Variants in RNGTT observed in about 807,000 individuals in gnomAD.
The protein encoded by RNGTT is mRNA-capping enzyme.
Under a neutral mutation model 79.3 loss-of-function variants are expected in RNGTT, and 33 were observed. The observed-to-expected ratio is 0.42, with a 90% CI of 0.32 to 0.56. The LOEUF (loss-of-function observed/expected upper bound fraction) is 0.56. Ranked by LOEUF, RNGTT falls within the 20% of genes least tolerant of loss-of-function variation. The pLI is 0.17. For missense variants in RNGTT, 497 were observed against 739.1 expected, an observed-to-expected ratio of 0.67 and a Z score of 3.80; for synonymous variants, 222 against 235.9, an observed-to-expected ratio of 0.94 and a Z score of 0.54.
At chr6:88,790,291 T>C (rs974286469) in intron 12 of RNGTT, among the ~76,000 whole-genome samples, 1 of 152,082 alleles carries the variant, frequency 6.6e-6, no homozygotes, top group African/African-American at 2.4e-5. Flanking sequence ...AGGTAAGGCA[T>C]AGGACATAAA....
chr6:88,789,369 G>C (rs1182577846), intron 12 of RNGTT, among the ~76,000 whole-genome samples: 1 of 152,160 alleles, frequency 6.6e-6, no homozygotes, highest in Non-Finnish European at 1.5e-5. Flanking sequence ...AGACTATCCT[G>C]GCCAACATGG....
At chr6:88,702,561 G>T (rs909851241) in intron 13 of RNGTT, among the ~76,000 whole-genome samples, 1 of 151,932 alleles carries the variant, frequency 6.6e-6, no homozygotes, top group East Asian at 1.9e-4. Flanking sequence ...AAATTAACTC[G>T]AGATGAATTA....
intron 13 of RNGTT, among the ~76,000 whole-genome samples, chr6:88,733,113 C>G (rs566389409): frequency 6.6e-6 from 1 of 152,142 alleles, no homozygotes; most frequent in Non-Finnish European, 1.5e-5. Flanking sequence ...AATCCCAGCA[C>G]TTTGGAAGGC....
chr6:88,626,658 A>C (rs73752979), intron 14 of RNGTT, among the ~76,000 whole-genome samples: 3,176 of 152,116 alleles, frequency 0.021, 92 homozygotes, highest in African/African-American at 0.072. Context: ...CACAAACCAC[A>C]AATCACAGCA....
At chr6:88,910,547 G>A (rs1349387255) in intron 4 of RNGTT, among the ~76,000 whole-genome samples, 1 of 152,146 alleles carries the variant, frequency 6.6e-6, no homozygotes, top group Non-Finnish European at 1.5e-5. Flanking sequence ...AGAAGAAAGA[G>A]TAAGCACCAT....
intron 10 of RNGTT, among the ~76,000 whole-genome samples, chr6:88,846,626 G>A (rs1365403581): frequency 6.6e-6 from 1 of 152,074 alleles, no homozygotes; most frequent in Non-Finnish European, 1.5e-5. Flanking sequence ...TGGGCGTAGT[G>A]GCACACGCCT....
At chr6:88,779,882 A>C (rs1004700491) in intron 12 of RNGTT, among the ~76,000 whole-genome samples, 6 of 152,162 alleles carry the variant, frequency 3.9e-5, no homozygotes, top group African/African-American at 1.4e-4. Flanking sequence ...AGTCCCAGCC[A>C]CCTGGGGGGG....
rs570223756 is a variant in RNGTT at position 88,715,506 on chromosome 6, A to C, written c.1440-37087T>G. 6.0e-4 allele frequency among the ~76,000 whole-genome samples: 91 copies of C among 152,330 alleles called. 1 individual carries two copies. Among genetic ancestry groups the C allele is most frequent in the South Asian group, 3.9e-3 (19 of 4,828 alleles). On this transcript the variant is annotated intron_variant, in intron 13 of 15. Transcript: ENST00000369485. ...GAACCAAAAAAGAGCCCGCATTGCC[A>C]AGTCAATCCTAAGCCAAAAGAACAA...
intron 12 of RNGTT, among the ~76,000 whole-genome samples, chr6:88,776,820 G>GT (rs1390805026): frequency 6.6e-6 from 1 of 151,996 alleles, no homozygotes; most frequent in Non-Finnish European, 1.5e-5. Context: ...TCATTTTGTT[G>GT]ATTGTTTCCT....
chr6:88,624,413 C>G (rs1230091669), intron 14 of RNGTT, among the ~76,000 whole-genome samples: 1 of 151,750 alleles, frequency 6.6e-6, no homozygotes, highest in East Asian at 1.9e-4. Context: ...ATAGAGAGCT[C>G]ACAAATAAAT....
intron 8 of RNGTT, among the ~76,000 whole-genome samples, chr6:88,865,714 G>A (rs1782146401): frequency 6.6e-6 from 1 of 152,116 alleles, no homozygotes; most frequent in Non-Finnish European, 1.5e-5. Context: ...GTCTCAATCT[G>A]TCTAAGAGCT....
At chr6:88,907,217 G>A (rs374842445) in intron 4 of RNGTT, among the ~76,000 whole-genome samples, 48 of 152,204 alleles carry the variant, frequency 3.2e-4, no homozygotes, top group East Asian at 1.9e-3. Flanking sequence ...CTGTGTCCCC[G>A]TCCAAATCTC....
At chr6:88,939,235 A>T (rs999606563) in intron 2 of RNGTT, among the ~76,000 whole-genome samples, 1 of 152,174 alleles carries the variant, frequency 6.6e-6, no homozygotes, top group Non-Finnish European at 1.5e-5. Flanking sequence ...GAACACCAAA[A>T]ATTTGAATAT....
At chr6:88,730,892 C>T (rs1044130265) in intron 13 of RNGTT, among the ~76,000 whole-genome samples, 1 of 152,128 alleles carries the variant, frequency 6.6e-6, no homozygotes, top group African/African-American at 2.4e-5. Flanking sequence ...CACCTCCAGC[C>T]CTGTCTAGTC....
At chr6:88,754,239 T>C (rs1777933921) in intron 13 of RNGTT, among the ~76,000 whole-genome samples, 1 of 151,836 alleles carries the variant, frequency 6.6e-6, no homozygotes, top group East Asian at 1.9e-4. Context: ...GCAGGGGAAA[T>C]GATTGAGAAG....
chr6:88,769,159 G>T (rs976918896), intron 13 of RNGTT, among the ~76,000 whole-genome samples: 1 of 151,382 alleles, frequency 6.6e-6, no homozygotes, highest in African/African-American at 2.4e-5. Context: ...CTTTTCTTTG[G>T]GGGGAGGTGT....
chr6:88,773,451 C>T (rs1778766492), intron 12 of RNGTT, among the ~76,000 whole-genome samples: 1 of 149,322 alleles, frequency 6.7e-6, no homozygotes, highest in Non-Finnish European at 1.5e-5. Flanking sequence ...GCACATGTAC[C>T]CTAAAACTTA....
chr6:88,924,232 T>G (rs1435554746), intron 4 of RNGTT, among the ~76,000 whole-genome samples: 1 of 152,208 alleles, frequency 6.6e-6, no homozygotes, highest in East Asian at 1.9e-4. Context: ...CTCAGAAATA[T>G]AATTTTTTTA....
At chr6:88,853,587 AT>A (rs1781744296) in intron 9 of RNGTT, 41 bp downstream of exon 9, 1 of 1,333,562 alleles carries the variant, frequency 7.5e-7, no homozygotes, top group Admixed American at 2.4e-5. Flanking sequence ...GAAAAGAAAA[AT>A]GGCAATGTTT....
Sources: allele counts gnomAD v4.1 joint callset (sites outside exome capture counted in the v4.1 genomes callset), GRCh38; gene constraint gnomAD v4.1.1; transcripts MANE v1.5; gene names NCBI Gene and HGNC (gene_info 2026-07-23, HGNC 2026-07-21).